Variants in PLAC1 observed in about 807,000 individuals in gnomAD.
PLAC1 encodes the protein placenta-specific protein 1.
For synonymous variants in PLAC1, 68 were observed against 62.1 expected, an observed-to-expected ratio of 1.09 and a Z score of -0.44; for missense variants, 136 against 163.2, an observed-to-expected ratio of 0.83 and a Z score of 0.91.
intron 1 of PLAC1, among the ~76,000 whole-genome samples, chrX:134,603,169 A>G (rs1283111398): frequency 3.1e-5 from 3 of 97,300 alleles, no homozygotes; most frequent in Non-Finnish European, 4.1e-5. Flanking sequence ...TGAATTGCCA[A>G]CAGAATCTGT....
At chrX:134,633,770 A>T (rs2078272086) in intron 1 of PLAC1, among the ~76,000 whole-genome samples, 1 of 112,081 alleles carries the variant, frequency 8.9e-6, no homozygotes, top group Non-Finnish European at 1.9e-5. Flanking sequence ...TATAATACAG[A>T]TCTTCTGATC....
intron 1 of PLAC1, among the ~76,000 whole-genome samples, chrX:134,631,243 G>T (rs764804378): frequency 1.8e-5 from 2 of 112,958 alleles, no homozygotes; most frequent in Non-Finnish European, 3.7e-5. Flanking sequence ...CTGGTGGTTT[G>T]TTGGCCCTCT....
At chrX:134,651,031 G>T (rs938087364) in intron 1 of PLAC1, 4 of 249,600 alleles carry the variant, frequency 1.6e-5, no homozygotes, top group South Asian at 5.8e-5. Context: ...CCTGTTTCTC[G>T]ACTGAAATCT....
intron 1 of PLAC1, among the ~76,000 whole-genome samples, chrX:134,737,194 C>G (rs1046205598): frequency 8.9e-6 from 1 of 112,622 alleles, no homozygotes; most frequent in Admixed American, 9.4e-5. Flanking sequence ...AATTCCACTG[C>G]AGGCAATGTT....
intron 1 of PLAC1, among the ~76,000 whole-genome samples, chrX:134,638,630 T>G (rs2078294280): frequency 9.0e-6 from 1 of 111,519 alleles, no homozygotes; most frequent in Non-Finnish European, 1.9e-5. Flanking sequence ...ATCCTCTATT[T>G]CTCCTGAAGC....
chrX:134,608,284 T>A (rs2078132697), intron 1 of PLAC1, among the ~76,000 whole-genome samples: 1 of 111,991 alleles, frequency 8.9e-6, no homozygotes, highest in South Asian at 3.8e-4. Flanking sequence ...ATCCAAATGT[T>A]CATCAGCTGA....
intron 1 of PLAC1, among the ~76,000 whole-genome samples, chrX:134,761,949 A>T (rs2078770792): frequency 8.9e-6 from 1 of 112,025 alleles, no homozygotes; most frequent in Non-Finnish European, 1.9e-5. Context: ...ACAGTCACCT[A>T]TCTCAGTGCA....
At chrX:134,659,065 C>T (rs1294020079), upstream of PLAC1, among the ~76,000 whole-genome samples, 5 of 109,956 alleles carry the variant, frequency 4.5e-5, no homozygotes, top group African/African-American at 1.0e-4. Flanking sequence ...GGGGCTGTGG[C>T]GGGTGGAAAG....
intron 2 of PLAC1, among the ~76,000 whole-genome samples, chrX:134,676,250 C>G (rs1371163057): frequency 9.0e-6 from 1 of 111,306 alleles, no homozygotes; most frequent in African/African-American, 3.3e-5. Context: ...CTGGGCCATC[C>G]CCTGGTTCTC....
intron 2 of PLAC1, among the ~76,000 whole-genome samples, chrX:134,697,908 C>T (rs1445116659): frequency 9.0e-6 from 1 of 110,987 alleles, no homozygotes; most frequent in Non-Finnish European, 1.9e-5. Flanking sequence ...CCATCATGAC[C>T]CTATTTACAT....
At chrX:134,585,739 G>T (rs2077997133) in intron 2 of PLAC1, among the ~76,000 whole-genome samples, 1 of 110,584 alleles carries the variant, frequency 9.0e-6, no homozygotes, top group African/African-American at 3.3e-5. Context: ...TTTCTATGGG[G>T]GGTAGAATTT....
intron 2 of PLAC1, among the ~76,000 whole-genome samples, chrX:134,697,424 T>A (rs2078568388): frequency 8.9e-6 from 1 of 112,490 alleles, no homozygotes; most frequent in South Asian, 3.6e-4. Context: ...GACCTAGAGA[T>A]AACCACTCTT....
At chrX:134,566,875 C>G (rs778726810) in intron 2 of PLAC1, 135 bp from the exon 3 acceptor site, 2 of 409,317 alleles carry the variant, frequency 4.9e-6, no homozygotes, top group African/African-American at 4.9e-5. Context: ...GAGAACTGAA[C>G]TTTAATTTCA....
chrX:134,594,250 C>T (rs1242470233), intron 2 of PLAC1, among the ~76,000 whole-genome samples: 1 of 111,475 alleles, frequency 9.0e-6, no homozygotes, highest in Non-Finnish European at 1.9e-5. Flanking sequence ...CGGAATAAAC[C>T]TCTCTTGGTC....
chrX:134,586,839 T>TGTG (rs2078004519), intron 2 of PLAC1, among the ~76,000 whole-genome samples: 3 of 76,653 alleles, frequency 3.9e-5, no homozygotes, highest in Non-Finnish European at 7.5e-5. Context: ...CCCAGCTAAT[T>TGTG]TGTGTGTGTG....
chrX:134,677,745 CG>C (rs1351611991), intron 2 of PLAC1, among the ~76,000 whole-genome samples: 5 of 111,229 alleles, frequency 4.5e-5, no homozygotes, highest in Admixed American at 9.6e-5. Flanking sequence ...GTTTTAAGCC[CG>C]GGGGGTGACA....
At chrX:134,590,312 A>C (rs1427431175) in intron 2 of PLAC1, among the ~76,000 whole-genome samples, 1 of 111,894 alleles carries the variant, frequency 8.9e-6, no homozygotes, top group Non-Finnish European at 1.9e-5. Flanking sequence ...ACCTGGCTTC[A>C]TTCATCCAAC....
chrX:134,624,916 A>AGAT (rs2078228258), intron 1 of PLAC1, among the ~76,000 whole-genome samples: 1 of 101,124 alleles, frequency 9.9e-6, no homozygotes, highest in South Asian at 4.3e-4. Flanking sequence ...AATGATAGAT[A>AGAT]GATAGATAGA....
chrX:134,696,893 G>A (rs986392791), intron 2 of PLAC1, among the ~76,000 whole-genome samples: 34 of 109,155 alleles, frequency 3.1e-4, no homozygotes, highest in Non-Finnish European at 3.2e-4. Context: ...TTAGCCGGGC[G>A]GGGTGGCGGG....
Sources: allele counts gnomAD v4.1 joint callset (sites outside exome capture counted in the v4.1 genomes callset), GRCh38; gene constraint gnomAD v4.1.1; transcripts MANE v1.5; gene names NCBI Gene and HGNC (gene_info 2026-07-23, HGNC 2026-07-21).